Variants in VTI1B observed in about 807,000 individuals in gnomAD.
The protein encoded by VTI1B is vesicle transport through interaction with t-SNAREs 1B, also known as vesicle transport through interaction with t-SNAREs homolog 1B.
In VTI1B, 18 loss-of-function variants were observed where a neutral mutation model predicts 28.6. The ratio of observed to expected loss-of-function variants is 0.63; its 90% confidence interval spans 0.43 to 0.93. The LOEUF (loss-of-function observed/expected upper bound fraction) is 0.93, where lower values mean the gene tolerates loss of function less well. Among genes scored for constraint, VTI1B ranks in the 40% least tolerant of loss-of-function variants. The pLI is 0.00. For missense variants in VTI1B, 283 were observed against 297.0 expected, an observed-to-expected ratio of 0.95 and a Z score of 0.35; for synonymous variants, 100 against 107.9, an observed-to-expected ratio of 0.93 and a Z score of 0.46.
intron 4 of VTI1B, among the ~76,000 whole-genome samples, chr14:67,654,224 T>TC (rs2037225212): frequency 6.6e-6 from 1 of 152,068 alleles, no homozygotes; most frequent in South Asian, 2.1e-4. Flanking sequence ...ACCCCACATG[T>TC]CCCCAAGTAG....
intron 2 of VTI1B, among the ~76,000 whole-genome samples, chr14:67,660,381 G>A (rs2037320395): frequency 6.6e-6 from 1 of 151,884 alleles, no homozygotes; most frequent in South Asian, 2.1e-4. Flanking sequence ...GCACAGCCTG[G>A]GCAACATAGC....
rs567752051 is a variant in VTI1B, at chr14:67,651,102, G to T, written c.*283C>A. 1.2e-4 allele frequency: 110 copies of T among 913,488 alleles called. No individual in the cohort carries two copies. The Middle Eastern group carries it at 1.5e-3, about 12-fold the overall frequency. The allele number at this position is 913,488 out of a possible 1,614,324, so 56.6% of individuals were successfully genotyped here. On this transcript the variant is annotated 3_prime_UTR_variant, in exon 6 of 6. Coordinates refer to ENST00000554659, the MANE Select transcript of VTI1B (RefSeq NM_006370.3). ...ACCAATACTACTGTAAATGTATTTG[G>T]TTTTTTGCAGTTCACAGGGTATTAA... is the stretch of plus-strand genomic sequence containing the variant.
chr14:67,656,310 C>A, intron 4 of VTI1B, 106 bp downstream of exon 4: 1 of 1,059,332 alleles, frequency 9.4e-7, no homozygotes, highest in Non-Finnish European at 1.3e-6. Flanking sequence ...AAAGACTATT[C>A]CCTGAATACA....
chr14:67,656,487 C>T lies in VTI1B; in HGVS notation c.469G>A (p.Asp157Asn), dbSNP rs1260707453. 16 of 1,613,912 alleles carry T rather than the reference C, an allele frequency of 9.9e-6. No homozygotes were observed. The highest frequency in any genetic ancestry group is 1.4e-5 in the Non-Finnish European group (16 of 1,179,896). ...TCTATGATTTCTGAGCCAATCTGGT[C>T]AGTCTCTGTGGCAATCCGATGAGAA... is the stretch of plus-strand genomic sequence containing the variant. ...ERSHRIATET[D>N]QIGSEIIEEL... is the part of the protein sequence containing the mutation. Residue 157 changes from aspartate to asparagine, a missense_variant, in exon 4 of 6, where the codon GAC becomes AAC. Physicochemically the swap from Asp to Asn is conservative, Grantham distance 23. Transcript: ENST00000554659.
intron 2 of VTI1B, 68 bp downstream of exon 2, chr14:67,662,409 C>A (rs2037348874): frequency 7.5e-7 from 1 of 1,331,044 alleles, no homozygotes; most frequent in East Asian, 2.3e-5. Flanking sequence ...TTGTGATCAG[C>A]TCATAGCATT....
chr14:67,651,415 C>G lies in VTI1B; in HGVS notation c.669G>C (p.Leu223=), dbSNP rs15493. ...ILLELAILGG[L]VYYKFFRSH ...GGCTGCGAAAGAATTTGTAGTAAAC[C>G]AGGCCTCCCAGGATGGCGAGCTCCA... is the stretch of plus-strand genomic sequence containing the variant. Residue 223 remains leucine, a synonymous_variant, in exon 6 of 6, where the codon CTG becomes CTC. Transcript: ENST00000554659. The G allele has an allele frequency of 1.2e-6, 2 of 1,613,896 alleles. No homozygotes were observed. The highest frequency in any genetic ancestry group is 1.7e-6 in the Non-Finnish European group (2 of 1,179,858).
Position 67,649,993 on chromosome 14 carries a change from A to T in VTI1B, c.*1392T>A, listed in dbSNP as rs2037151059. The T allele has an allele frequency of 1.3e-5, 2 of 152,312 alleles. No individual in the cohort carries two copies. The highest frequency in any genetic ancestry group is 2.9e-5 in the Non-Finnish European group (2 of 68,158). 9.4% of individuals were successfully genotyped at this position (152,312 alleles called of 1,614,324 possible). ...CCTTCCACTTGCTCCAGGCCAAAGG[A>T]ACACTACCGAGAACTTTGACACAAG... On this transcript the variant is annotated 3_prime_UTR_variant, in exon 6 of 6. Transcript: ENST00000554659.
chr14:67,657,753 T>TG (rs1450465353), intron 3 of VTI1B, among the ~76,000 whole-genome samples: 1 of 33,048 alleles, frequency 3.0e-5, no homozygotes, highest in African/African-American at 8.3e-5. Flanking sequence ...CTTTCTTTCT[T>TG]TTTTTTTTTT....
chr14:67,647,130 A>C lies in VTI1B; in HGVS notation c.*4255T>G. The stretch of plus-strand genomic sequence containing the variant: ...TACTTTTAAAATACAAAGCAAAAAC[A>C]TACACATAATTTTAAATAGTTCAGA... On this transcript the variant is annotated 3_prime_UTR_variant, in exon 6 of 6. Transcript: ENST00000554659. 1.3e-6 allele frequency: 1 copy of C among 751,930 alleles called. No individual in the cohort carries two copies. Among genetic ancestry groups the C allele is most frequent in the South Asian group, 1.8e-5 (1 of 56,278 alleles). The allele number at this position is 751,930 out of a possible 1,614,324, so 46.6% of individuals were successfully genotyped here.
intron 3 of VTI1B, 114 bp from the exon 4 acceptor site, chr14:67,656,703 T>C (rs1387175484): frequency 5.8e-6 from 7 of 1,216,590 alleles, no homozygotes; most frequent in Non-Finnish European, 7.8e-6. Context: ...ATAATTTTCA[T>C]TCCTTTTAAG....
At chr14:67,668,637 G>A (rs1159958843) in intron 1 of VTI1B, among the ~76,000 whole-genome samples, 2 of 149,718 alleles carry the variant, frequency 1.3e-5, no homozygotes, top group African/African-American at 4.9e-5. Context: ...GCTAGGCACT[G>A]TTCTGGTACT....
At chr14:67,665,189 T>C (rs2037385430) in intron 1 of VTI1B, among the ~76,000 whole-genome samples, 1 of 151,972 alleles carries the variant, frequency 6.6e-6, no homozygotes, top group African/African-American at 2.4e-5. Flanking sequence ...ACATAAGATG[T>C]AATGTCACTG....
Position 67,662,550 on chromosome 14 carries a change from T to TA in VTI1B, c.116-16dup. On this transcript the variant is annotated splice_polypyrimidine_tract_variant and intron_variant, in intron 1 of 5. Coordinates refer to ENST00000554659, the MANE Select transcript of VTI1B (RefSeq NM_006370.3). ...CTTCTTTTCTTCTAGAAAAGATAGA[T>TA]AAGTTTCAAATGCTTATTACTGTTT... 6.2e-7 allele frequency: 1 copy of TA among 1,602,574 alleles called. No homozygotes were observed. Among genetic ancestry groups the TA allele is most frequent in the Non-Finnish European group, 8.5e-7 (1 of 1,172,906 alleles).
chr14:67,661,276 A>T (rs1172599071), intron 2 of VTI1B, among the ~76,000 whole-genome samples: 1 of 92,370 alleles, frequency 1.1e-5, no homozygotes, highest in Non-Finnish European at 2.5e-5. Context: ...ATAGGGCTAG[A>T]GCAAAAAAAA....
At chr14:67,653,535 A>G in intron 4 of VTI1B, 37 bp from the exon 5 acceptor site, 2 of 1,568,550 alleles carry the variant, frequency 1.3e-6, no homozygotes, top group Non-Finnish European at 1.8e-6. Context: ...CCCTCTTTAA[A>G]AAGTATACTC....
At chr14:67,674,235 G>C (rs2037504392) in intron 1 of VTI1B, 140 bp downstream of exon 1, 2 of 716,168 alleles carry the variant, frequency 2.8e-6, no homozygotes, top group Non-Finnish European at 4.3e-6. Flanking sequence ...CCTGGGGCTG[G>C]GACAAGCCAG....
rs141444126 is a variant in VTI1B, at chr14:67,658,317, A to T, written c.366+1414T>A. 3.3e-3 allele frequency among the ~76,000 whole-genome samples: 500 copies of T among 152,234 alleles called. 3 individuals carry two copies. Among genetic ancestry groups the T allele is most frequent in the African/African-American group, 0.012 (483 of 41,558 alleles). On this transcript the variant is annotated intron_variant, in intron 3 of 5. Transcript: ENST00000554659. ...GTTTTAATAATTTCTGAAACTCGCC[A>T]GGCGTGGTGGGTCATGCCTGTAATC... is the stretch of plus-strand genomic sequence containing the variant.
At chr14:67,674,095 A>C (rs1322411931) in intron 1 of VTI1B, among the ~76,000 whole-genome samples, 1 of 152,232 alleles carries the variant, frequency 6.6e-6, no homozygotes, top group Non-Finnish European at 1.5e-5. Context: ...ACATTACAGG[A>C]CCGCAGATGC....
intron 3 of VTI1B, among the ~76,000 whole-genome samples, chr14:67,657,628 A>T (rs1222658694): frequency 6.6e-6 from 1 of 151,550 alleles, no homozygotes; most frequent in Non-Finnish European, 1.5e-5. Context: ...ACACACCCAA[A>T]ATCAAAAGGG....
Sources: allele counts gnomAD v4.1 joint callset (sites outside exome capture counted in the v4.1 genomes callset), GRCh38; gene constraint gnomAD v4.1.1; transcripts MANE v1.5; gene names NCBI Gene and HGNC (gene_info 2026-07-23, HGNC 2026-07-21).